DECR1: variants seen among roughly 807,000 people sequenced by gnomAD.
The protein encoded by DECR1 is 2,4-dienoyl-CoA reductase [(3E)-enoyl-CoA-producing], mitochondrial.
In DECR1, 44 loss-of-function variants were observed where a neutral mutation model predicts 38.8. That is an observed-to-expected ratio of 1.13 (90% CI 0.89 to 1.46). The LOEUF (loss-of-function observed/expected upper bound fraction) is 1.46. Ranked by LOEUF, DECR1 falls within the 40% of genes most tolerant of loss-of-function variation. The pLI, the probability that DECR1 is intolerant of heterozygous loss-of-function variation, is 0.00. For missense variants in DECR1, 428 were observed against 405.5 expected (o/e 1.06, Z -0.48); for synonymous variants, 148 against 135.2 (o/e 1.09, Z -0.66).
At chr8:90,029,193 A>G (rs1055602098) in intron 5 of DECR1, 1 of 152,206 alleles carries the variant, frequency 6.6e-6, no homozygotes, top group African/African-American at 2.4e-5. Context: ...TCTATAAAAT[A>G]TACTTGATAA....
At chr8:90,019,205 G>T in intron 4 of DECR1, 33 bp downstream of exon 4, 2 of 1,545,414 alleles carry the variant, frequency 1.3e-6, no homozygotes, top group South Asian at 2.2e-5. Flanking sequence ...CAAAGTGCAA[G>T]ACACTTGATG....
intron 6 of DECR1, among the ~76,000 whole-genome samples, chr8:90,038,373 G>C (rs1333646869): frequency 2.0e-5 from 3 of 151,564 alleles, no homozygotes; most frequent in Non-Finnish European, 4.4e-5. Flanking sequence ...AATCTAGTGA[G>C]AGGACAAACA....
chr8:90,044,994 C>G lies in DECR1; in HGVS notation c.884C>G (p.Ala295Gly). 3 of 1,613,400 alleles carry G rather than the reference C, an allele frequency of 1.9e-6. No individual in the cohort carries two copies. Among genetic ancestry groups the G allele is most frequent in the South Asian group, 1.1e-5 (1 of 90,988 alleles). Reference protein sequence around the residue: ...CSDYASWINGAVIKFDGGEEV... With the variant: ...CSDYASWINGGVIKFDGGEEV... ...GATTATGCTTCTTGGATTAATGGAG[C>G]AGTAAGCGTTGTTTATTTCTCTTCA... is the stretch of plus-strand genomic sequence containing the variant. The change falls in exon 8 of 10, where the codon GCA becomes GGA. Residue 295 changes from alanine to glycine, a missense_variant and splice_region_variant. Ala to Gly is a moderately conservative substitution (Grantham distance 60). Transcript: ENST00000220764.
intron 1 of DECR1, among the ~76,000 whole-genome samples, chr8:90,009,278 A>G (rs1812824101): frequency 6.6e-6 from 1 of 151,708 alleles, no homozygotes; most frequent in Non-Finnish European, 1.5e-5. Context: ...TTTGCCTAAA[A>G]CCCTGTGATT....
chr8:90,038,068 A>G (rs76269650), intron 6 of DECR1, among the ~76,000 whole-genome samples: 4,029 of 152,324 alleles, frequency 0.026, 106 homozygotes, highest in South Asian at 0.097. Flanking sequence ...TATTCAATAA[A>G]TATTTATTGT....
chr8:90,003,929 G>A (rs926820463), intron 1 of DECR1, among the ~76,000 whole-genome samples: 4 of 151,734 alleles, frequency 2.6e-5, no homozygotes, highest in African/African-American at 9.7e-5. Flanking sequence ...TAGAGTGAGT[G>A]AGACTCCATC....
chr8:90,005,965 G>T, intron 1 of DECR1: 1 of 513,900 alleles, frequency 1.9e-6, no homozygotes, highest in Non-Finnish European at 3.5e-6. Flanking sequence ...AGGGTGTTGG[G>T]AGGTGCCAGG....
At chr8:90,017,953 C>A (rs916166264) in intron 2 of DECR1, among the ~76,000 whole-genome samples, 3 of 152,208 alleles carry the variant, frequency 2.0e-5, no homozygotes, top group African/African-American at 7.2e-5. Flanking sequence ...GTGGCATGAT[C>A]TCAGCTCACT....
chr8:90,029,642 A>T (rs113666358), intron 5 of DECR1, among the ~76,000 whole-genome samples: 31 of 152,342 alleles, frequency 2.0e-4, no homozygotes, highest in African/African-American at 7.2e-4. Flanking sequence ...GTTTAATTAA[A>T]TTATCAGAAA....
chr8:90,020,905 T>C lies in DECR1; in HGVS notation c.418-4T>C. 1 of 1,537,280 alleles carries C rather than the reference T, an allele frequency of 6.5e-7. No homozygotes were observed. Among genetic ancestry groups the C allele is most frequent in the East Asian group, 2.4e-5 (1 of 41,848 alleles). ...TTCTGTAACTTGCCTTGTTCATTTATTAGATTGTGATAAACAATGCAGCAG... is the reference window on the plus strand; with the variant it reads ...TTCTGTAACTTGCCTTGTTCATTTACTAGATTGTGATAAACAATGCAGCAG... On this transcript the variant is annotated splice_region_variant and splice_polypyrimidine_tract_variant and intron_variant, in intron 4 of 9. Coordinates refer to ENST00000220764, the MANE Select transcript of DECR1 (RefSeq NM_001359.2).
intron 4 of DECR1, among the ~76,000 whole-genome samples, chr8:90,020,401 A>G (rs1214652271): frequency 6.6e-6 from 1 of 151,988 alleles, no homozygotes; most frequent in Non-Finnish European, 1.5e-5. Flanking sequence ...TTATTCATTT[A>G]TTTTGAGACA....
In DECR1 at chr8:90,016,797, T is replaced by C. The variant is rs191328620; in HGVS notation, c.70-327T>C. ...TAGGTGCTTTACCTGTAATAACTCA[T>C]ATAATCCTCACAATGCCATATGAAG... On this transcript the variant is annotated intron_variant, in intron 1 of 9. Transcript: ENST00000220764. 432 of 301,504 alleles carry C rather than the reference T, an allele frequency of 1.4e-3. 1 individual carries two copies. The highest frequency in any genetic ancestry group is 2.3e-3 in the Middle Eastern group (2 of 860). 18.7% of individuals were successfully genotyped at this position (301,504 alleles called of 1,614,324 possible). A position where few individuals can be genotyped will look rare whatever the true frequency, so the allele number is the denominator to read the frequency against.
In DECR1 at chr8:90,017,313, G is replaced by C; in HGVS notation, c.259G>C (p.Val87Leu). 1 of 1,613,874 alleles carries C rather than the reference G, an allele frequency of 6.2e-7. No individual in the cohort carries two copies. Among genetic ancestry groups the C allele is most frequent in the Non-Finnish European group, 8.5e-7 (1 of 1,179,928 alleles). Residue 87 changes from valine (V) to leucine (L), a missense_variant, in exon 2 of 10, where the codon GTG (valine) becomes CTG (leucine). Physicochemically the swap from Val to Leu is conservative, Grantham distance 32 (BLOSUM62 1). Transcript: ENST00000220764. ...TCTGTCCAGCCTAGGTGCTCAGTGC[G>C]TGATAGCCAGCCGGTAAGTCCCTTA... ...TLLSSLGAQC[V>L]IASRKMDVLK...
At chr8:90,011,262 G>A (rs998540955) in intron 1 of DECR1, among the ~76,000 whole-genome samples, 3 of 152,116 alleles carry the variant, frequency 2.0e-5, no homozygotes, top group Non-Finnish European at 2.9e-5. Flanking sequence ...TTTACAGTCA[G>A]CATATACATT....
chr8:90,027,141 A>C (rs549579592), intron 5 of DECR1, among the ~76,000 whole-genome samples: 2 of 152,302 alleles, frequency 1.3e-5, no homozygotes, highest in South Asian at 2.1e-4. Flanking sequence ...TTTACTTCCA[A>C]CTATGTGGTC....
At chr8:90,020,549 C>A (rs1813128007) in intron 4 of DECR1, among the ~76,000 whole-genome samples, 1 of 152,094 alleles carries the variant, frequency 6.6e-6, no homozygotes, top group Non-Finnish European at 1.5e-5. Flanking sequence ...CCACCACACC[C>A]AGCTAATTTT....
At chr8:90,005,333 C>A in intron 1 of DECR1, 1 of 456,238 alleles carries the variant, frequency 2.2e-6, no homozygotes, top group Non-Finnish European at 4.4e-6. Flanking sequence ...AGAGCTGATT[C>A]CTGCTGTCAA....
intron 4 of DECR1, among the ~76,000 whole-genome samples, chr8:90,019,768 C>A (rs921950302): frequency 6.6e-6 from 1 of 152,190 alleles, no homozygotes; most frequent in Non-Finnish European, 1.5e-5. Flanking sequence ...TTGAGAAGCA[C>A]CTATTTTCCA....
chr8:90,005,079 A>C (rs1290487081), intron 1 of DECR1, among the ~76,000 whole-genome samples: 1 of 152,214 alleles, frequency 6.6e-6, no homozygotes, highest in Non-Finnish European at 1.5e-5. Context: ...GTGTGGTCCC[A>C]ATGGCAATAT....
Sources: allele counts gnomAD v4.1 joint callset (sites outside exome capture counted in the v4.1 genomes callset), GRCh38; gene constraint gnomAD v4.1.1; transcripts MANE v1.5; gene names NCBI Gene and HGNC (gene_info 2026-07-23, HGNC 2026-07-21).